PLEKHA5: variants seen among roughly 807,000 people sequenced by gnomAD.
PLEKHA5 encodes pleckstrin homology domain containing A5.
In PLEKHA5, 55 loss-of-function variants were observed where a neutral mutation model predicts 181.9. That is an observed-to-expected ratio of 0.30 (90% CI 0.24 to 0.38). The LOEUF (loss-of-function observed/expected upper bound fraction) is 0.38, where lower values mean the gene tolerates loss of function less well. PLEKHA5 is among the 10% of genes least tolerant of loss of function. PLEKHA5 has a pLI of 1.00. For synonymous variants in PLEKHA5, 535 were observed against 529.4 expected (o/e 1.01, Z -0.15); for missense variants, 1,432 against 1,549.5 (o/e 0.92, Z 1.27).
At chr12:19,362,697 C>T (rs951278675) in intron 29 of PLEKHA5, among the ~76,000 whole-genome samples, 1 of 151,660 alleles carries the variant, frequency 6.6e-6, no homozygotes, top group Admixed American at 6.6e-5. Context: ...GAGGTCAAGG[C>T]TGCAGTGAGC....
At chr12:19,242,115 G>A (rs1259709744) in intron 3 of PLEKHA5, among the ~76,000 whole-genome samples, 3 of 152,098 alleles carry the variant, frequency 2.0e-5, no homozygotes, top group East Asian at 1.9e-4. Context: ...TGTAATACTC[G>A]GGATGGATGT....
At chr12:19,139,194 A>G (rs2036581651) in intron 3 of PLEKHA5, among the ~76,000 whole-genome samples, 1 of 152,174 alleles carries the variant, frequency 6.6e-6, no homozygotes, top group African/African-American at 2.4e-5. Context: ...AAAGAGGTCA[A>G]AAGCTCCTCA....
At chr12:19,215,012 T>C (rs1364394316) in intron 3 of PLEKHA5, among the ~76,000 whole-genome samples, 1 of 152,072 alleles carries the variant, frequency 6.6e-6, no homozygotes, top group Non-Finnish European at 1.5e-5. Flanking sequence ...ACCCCGTTTC[T>C]ACTAAAAATA....
intron 21 of PLEKHA5, among the ~76,000 whole-genome samples, chr12:19,341,122 A>G (rs975636156): frequency 6.6e-6 from 1 of 152,054 alleles, no homozygotes; most frequent in African/African-American, 2.4e-5. Context: ...AAATACAAAA[A>G]AAGAGAGAGC....
chr12:19,165,654 C>CA (rs1409648971), intron 3 of PLEKHA5, among the ~76,000 whole-genome samples: 2 of 152,092 alleles, frequency 1.3e-5, no homozygotes, highest in African/African-American at 4.8e-5. Context: ...AATACCTGTT[C>CA]AACCTGTGCT....
intron 3 of PLEKHA5, among the ~76,000 whole-genome samples, chr12:19,203,801 C>T (rs915005766): frequency 6.6e-6 from 1 of 151,980 alleles, no homozygotes; most frequent in African/African-American, 2.4e-5. Flanking sequence ...CGTACCGTGA[C>T]TCATATATAA....
At chr12:19,364,595 C>T (rs1388903345) in intron 29 of PLEKHA5, among the ~76,000 whole-genome samples, 1 of 152,216 alleles carries the variant, frequency 6.6e-6, no homozygotes, top group South Asian at 2.1e-4. Context: ...GCTGCCAAAG[C>T]TATCAGCTGA....
intron 3 of PLEKHA5, among the ~76,000 whole-genome samples, chr12:19,168,769 G>A (rs954908623): frequency 6.6e-6 from 1 of 152,178 alleles, no homozygotes; most frequent in African/African-American, 2.4e-5. Context: ...TTCTAAGAAT[G>A]TGTTATGGTC....
intron 20 of PLEKHA5, among the ~76,000 whole-genome samples, chr12:19,334,146 G>A (rs1193455695): frequency 6.6e-6 from 1 of 152,044 alleles, no homozygotes; most frequent in Admixed American, 6.6e-5. Context: ...GCCAGATGTT[G>A]GGAGGAAATG....
chr12:19,332,838 C>T (rs948175898), intron 20 of PLEKHA5, among the ~76,000 whole-genome samples: 3 of 152,092 alleles, frequency 2.0e-5, no homozygotes, highest in Non-Finnish European at 4.4e-5. Flanking sequence ...GTATACTTTG[C>T]AGAGATGGGA....
At chr12:19,327,216 T>A (rs1392383616) in intron 20 of PLEKHA5, among the ~76,000 whole-genome samples, 1 of 151,996 alleles carries the variant, frequency 6.6e-6, no homozygotes, top group Non-Finnish European at 1.5e-5. Flanking sequence ...AGCATTTCCT[T>A]TTCTCTGCAG....
In PLEKHA5 at chr12:19,197,676, CTGTGTGTGTGTGTG is replaced by C. The variant is rs3056412; in HGVS notation, c.228-56220_228-56207del. Among the ~76,000 whole-genome samples the C allele has an allele frequency of 7.0e-3, 779 of 111,022 alleles. 1 individual carries two copies. The highest frequency in any genetic ancestry group is 7.7e-3 in the Non-Finnish European group (407 of 52,778). 72.8% of individuals were successfully genotyped at this position (111,022 alleles called of 152,430 possible). A position where few individuals can be genotyped will look rare whatever the true frequency, so the allele number is the denominator to read the frequency against. On this transcript the variant is annotated intron_variant, in intron 3 of 31. Transcript: ENST00000429027. ...TTGAAGTCACAGAGTCTATCCGGTG[CTGTGTGTGTGTGTG>C]TGTGTGTGTGTGTGTGTGTGTGTGT...
At chr12:19,339,499 G>A (rs571071515) in intron 21 of PLEKHA5, among the ~76,000 whole-genome samples, 1 of 152,274 alleles carries the variant, frequency 6.6e-6, no homozygotes, top group Admixed American at 6.5e-5. Flanking sequence ...GAGAAGACCT[G>A]AATTAATGGA....
At chr12:19,165,374 A>C (rs547152667) in intron 3 of PLEKHA5, among the ~76,000 whole-genome samples, 1 of 152,198 alleles carries the variant, frequency 6.6e-6, no homozygotes, top group East Asian at 1.9e-4. Flanking sequence ...ATGCTCAGTA[A>C]ACATTTGTTT....
Position 19,307,530 on chromosome 12 carries a change from G to A in PLEKHA5, c.2038-7284G>A, listed in dbSNP as rs144313433. The A allele has an allele frequency of 9.0e-5, 28 of 309,940 alleles. No homozygotes were observed. In the East Asian group the frequency reaches 2.4e-3, roughly 26 times the overall value. The allele number at this position is 309,940 out of a possible 1,614,324, so 19.2% of individuals were successfully genotyped here. A position where few individuals can be genotyped will look rare whatever the true frequency, so the allele number is the denominator to read the frequency against. On this transcript the variant is annotated intron_variant, in intron 15 of 31. Transcript: ENST00000429027. ...ACAAGAAGCACACTGCCTAATTTCG[G>A]CTGCTATAGAACCAGAGAAAGAAAA...
intron 11 of PLEKHA5, among the ~76,000 whole-genome samples, chr12:19,281,493 C>G (rs368775854): frequency 1.3e-5 from 2 of 151,934 alleles, no homozygotes; most frequent in South Asian, 2.1e-4. Context: ...AGGAGAATCA[C>G]TCGAACCTGA....
At chr12:19,228,658 C>G (rs370613152) in intron 3 of PLEKHA5, among the ~76,000 whole-genome samples, 29 of 152,312 alleles carry the variant, frequency 1.9e-4, no homozygotes, top group African/African-American at 7.0e-4. Context: ...GAATTCTGAT[C>G]TAGGCAGCCA....
intron 3 of PLEKHA5, among the ~76,000 whole-genome samples, chr12:19,174,788 T>C (rs2046798921): frequency 6.6e-6 from 1 of 152,224 alleles, no homozygotes; most frequent in Non-Finnish European, 1.5e-5. Flanking sequence ...GTTGTATTTT[T>C]ATCTGTACAA....
chr12:19,247,926 TAA>T (rs1174796217), intron 3 of PLEKHA5, among the ~76,000 whole-genome samples: 1 of 144,852 alleles, frequency 6.9e-6, no homozygotes. Context: ...TAAATTTAAT[TAA>T]AAAAAAAAGA....
Sources: allele counts gnomAD v4.1 joint callset (sites outside exome capture counted in the v4.1 genomes callset), GRCh38; gene constraint gnomAD v4.1.1; transcripts MANE v1.5; gene names NCBI Gene and HGNC (gene_info 2026-07-23, HGNC 2026-07-21).